Variants in SEMA5A observed in about 807,000 individuals in gnomAD.
SEMA5A encodes the protein semaphorin-5A.
Under a neutral mutation model 135.5 loss-of-function variants are expected in SEMA5A, and 55 were observed. That is an observed-to-expected ratio of 0.41 (90% CI 0.33 to 0.51). SEMA5A has a LOEUF of 0.51. Ranked by LOEUF, SEMA5A falls within the 20% of genes least tolerant of loss-of-function variation. The pLI, the probability that SEMA5A is intolerant of heterozygous loss-of-function variation, is 0.37. For synonymous variants in SEMA5A, 580 were observed against 546.5 expected, an observed-to-expected ratio of 1.06 and a Z score of -0.85; for missense variants, 1,290 against 1,419.9, an observed-to-expected ratio of 0.91 and a Z score of 1.47.
At chr5:9,372,833 C>T (rs1755199359) in intron 3 of SEMA5A, among the ~76,000 whole-genome samples, 1 of 152,232 alleles carries the variant, frequency 6.6e-6, no homozygotes, top group Admixed American at 6.5e-5. Context: ...GAAACATCTC[C>T]TTCACTCATC....
intron 16 of SEMA5A, among the ~76,000 whole-genome samples, chr5:9,093,271 T>C (rs534787652): frequency 1.6e-4 from 25 of 152,308 alleles, no homozygotes; most frequent in South Asian, 1.2e-3. Flanking sequence ...GATAGTAAGA[T>C]CAACATGCTT....
intron 1 of SEMA5A, among the ~76,000 whole-genome samples, chr5:9,454,099 T>C (rs930364866): frequency 6.6e-6 from 1 of 152,176 alleles, no homozygotes; most frequent in African/African-American, 2.4e-5. Flanking sequence ...GCGGAGACCT[T>C]TCTGAAGTCA....
chr5:9,530,633 A>G (rs1283061631), intron 1 of SEMA5A, among the ~76,000 whole-genome samples: 1 of 152,168 alleles, frequency 6.6e-6, no homozygotes, highest in Non-Finnish European at 1.5e-5. Flanking sequence ...TGATTAATTA[A>G]TTGCATTTGC....
At chr5:9,046,267 T>C (rs973897936) in intron 21 of SEMA5A, among the ~76,000 whole-genome samples, 1 of 152,150 alleles carries the variant, frequency 6.6e-6, no homozygotes, top group African/African-American at 2.4e-5. Flanking sequence ...AGTGAGACGA[T>C]TGGAGGTATG....
chr5:9,415,808 C>T (rs1757264249), intron 2 of SEMA5A, among the ~76,000 whole-genome samples: 1 of 152,192 alleles, frequency 6.6e-6, no homozygotes, highest in South Asian at 2.1e-4. Context: ...AAGAGTTTCC[C>T]AAATTCATAT....
chr5:9,414,624 C>T (rs1276519620), intron 2 of SEMA5A, among the ~76,000 whole-genome samples: 1 of 152,152 alleles, frequency 6.6e-6, no homozygotes. Context: ...CAACAAGAAA[C>T]TCACCCAAAA....
chr5:9,091,243 C>T (rs1284480886), intron 16 of SEMA5A, among the ~76,000 whole-genome samples: 1 of 152,156 alleles, frequency 6.6e-6, no homozygotes, highest in East Asian at 1.9e-4. Context: ...TTTCTTTCCC[C>T]ACAAAACATG....
At chr5:9,316,724 C>T (rs1200327824) in intron 5 of SEMA5A, among the ~76,000 whole-genome samples, 3 of 151,782 alleles carry the variant, frequency 2.0e-5, no homozygotes, top group South Asian at 2.1e-4. Flanking sequence ...TATACGTATA[C>T]GTTGTGGAAT....
intron 5 of SEMA5A, among the ~76,000 whole-genome samples, chr5:9,278,189 G>A (rs1164781844): frequency 6.6e-6 from 1 of 151,860 alleles, no homozygotes; most frequent in Non-Finnish European, 1.5e-5. Context: ...GTGGAGTGAT[G>A]GCAACCCTTG....
chr5:9,093,105 T>A (rs2150127246), intron 16 of SEMA5A, among the ~76,000 whole-genome samples: 1 of 152,198 alleles, frequency 6.6e-6, no homozygotes, highest in South Asian at 2.1e-4. Context: ...TTTTTTAAGA[T>A]TAGGAGTACT....
At chr5:9,430,463 T>C (rs1757817509) in intron 2 of SEMA5A, among the ~76,000 whole-genome samples, 1 of 152,044 alleles carries the variant, frequency 6.6e-6, no homozygotes, top group Non-Finnish European at 1.5e-5. Context: ...ATGGTGAGAA[T>C]GGTGGGAAAA....
chr5:9,255,074 C>T (rs1748992780), intron 5 of SEMA5A, among the ~76,000 whole-genome samples: 1 of 152,098 alleles, frequency 6.6e-6, no homozygotes, highest in African/African-American at 2.4e-5. Context: ...GTTTAAAGAG[C>T]TCCATCCAAA....
chr5:9,043,993 C>T (rs1376549124), intron 22 of SEMA5A, among the ~76,000 whole-genome samples: 1 of 152,186 alleles, frequency 6.6e-6, no homozygotes, highest in Non-Finnish European at 1.5e-5. Context: ...GAGCTAGTTT[C>T]TGAGAGGCCA....
chr5:9,381,965 TGTGTGTGTGTGTGTGTGCGC>T (rs1005456281), intron 2 of SEMA5A, among the ~76,000 whole-genome samples: 37 of 128,382 alleles, frequency 2.9e-4, no homozygotes, highest in African/African-American at 1.2e-3. Flanking sequence ...TGTGTGTGTG[TGTGTGTGTGTGTGTGTGCGC>T]GCGCGCGCAC....
At chr5:9,301,598 T>A (rs1054454583) in intron 5 of SEMA5A, among the ~76,000 whole-genome samples, 1 of 152,174 alleles carries the variant, frequency 6.6e-6, no homozygotes, top group Non-Finnish European at 1.5e-5. Context: ...GCAAGTAGCC[T>A]GCACTTGACG....
intron 1 of SEMA5A, among the ~76,000 whole-genome samples, chr5:9,540,553 C>T (rs139301778): frequency 0.011 from 1,685 of 151,986 alleles, 25 homozygotes; most frequent in African/African-American, 0.039. Flanking sequence ...GCCAAGATCG[C>T]GCCACTGCAC....
intron 5 of SEMA5A, among the ~76,000 whole-genome samples, chr5:9,247,340 G>A (rs1047873729): frequency 6.6e-6 from 1 of 152,134 alleles, no homozygotes; most frequent in Non-Finnish European, 1.5e-5. Context: ...TGTATGAACT[G>A]TCAGCCTAAT....
At chr5:9,370,541 AAAAGAGAAATT>A (rs1376094119) in intron 3 of SEMA5A, among the ~76,000 whole-genome samples, 2 of 152,248 alleles carry the variant, frequency 1.3e-5, no homozygotes, top group African/African-American at 2.4e-5. Context: ...TTGGGAGAGC[AAAAGAGAAATT>A]AAAGAATAAA....
intron 10 of SEMA5A, among the ~76,000 whole-genome samples, chr5:9,196,879 C>T (rs948789179): frequency 1.3e-5 from 2 of 152,212 alleles, no homozygotes; most frequent in African/African-American, 4.8e-5. Context: ...ATCATTAGTA[C>T]TAATTGAAGC....
Sources: gnomAD v4.1 joint callset for allele counts (sites outside exome capture counted in the v4.1 genomes callset) on GRCh38, gnomAD v4.1.1 for gene constraint, MANE v1.5 for transcripts, NCBI Gene and HGNC (gene_info 2026-07-23, HGNC 2026-07-21) for gene names.